Variants in SDK2 observed in about 807,000 individuals in gnomAD.
The protein encoded by SDK2 is protein sidekick-2.
In SDK2, 105 loss-of-function variants were observed where a neutral mutation model predicts 253.9. That is an observed-to-expected ratio of 0.41 (90% CI 0.35 to 0.49). SDK2 has a LOEUF of 0.49. Ranked by LOEUF, SDK2 falls within the 20% of genes least tolerant of loss-of-function variation. The pLI is 0.06. For synonymous variants in SDK2, 1,249 were observed against 1,234.9 expected (o/e 1.01, Z -0.24); for missense variants, 2,608 against 3,003.0 (o/e 0.87, Z 3.07).
intron 18 of SDK2, among the ~76,000 whole-genome samples, chr17:73,404,079 A>G (rs1215475459): frequency 1.3e-5 from 2 of 152,190 alleles, no homozygotes; most frequent in Non-Finnish European, 1.5e-5. Context: ...CATGTGCCTT[A>G]AAACAATATC....
At chr17:73,610,602 A>G (rs375180216) in intron 1 of SDK2, among the ~76,000 whole-genome samples, 114 of 152,282 alleles carry the variant, frequency 7.5e-4, no homozygotes, top group Middle Eastern at 6.8e-3. Context: ...CACAGTAGCC[A>G]CGAGGGAGGC....
chr17:73,631,736 C>T (rs561435808), intron 1 of SDK2, among the ~76,000 whole-genome samples: 2 of 152,178 alleles, frequency 1.3e-5, no homozygotes, highest in Non-Finnish European at 2.9e-5. Context: ...GTATGGGGCA[C>T]CAGCCACACA....
intron 1 of SDK2, among the ~76,000 whole-genome samples, chr17:73,546,746 C>A (rs946335242): frequency 6.6e-6 from 1 of 152,226 alleles, no homozygotes; most frequent in Non-Finnish European, 1.5e-5. Context: ...CCATAAGTCC[C>A]TTTCAGTTCT....
At chr17:73,557,361 G>A (rs2045159982) in intron 1 of SDK2, among the ~76,000 whole-genome samples, 1 of 151,822 alleles carries the variant, frequency 6.6e-6, no homozygotes, top group African/African-American at 2.4e-5. Context: ...GGAGTGCAGT[G>A]GCACGATCTC....
chr17:73,401,605 T>C (rs1224945462), intron 20 of SDK2, 49 bp downstream of exon 20: 3 of 1,501,930 alleles, frequency 2.0e-6, no homozygotes, highest in African/African-American at 2.8e-5. Flanking sequence ...AGCTCTGACC[T>C]TTCCCAGCCC....
chr17:73,457,280 T>C (rs139028329), intron 3 of SDK2, among the ~76,000 whole-genome samples: 4 of 36,904 alleles, frequency 1.1e-4, no homozygotes, highest in African/African-American at 2.5e-4. Flanking sequence ...CCTTCCTTCC[T>C]TCCTTCCCCC....
intron 3 of SDK2, among the ~76,000 whole-genome samples, chr17:73,468,355 G>A (rs1023759504): frequency 1.3e-5 from 2 of 152,088 alleles, no homozygotes; most frequent in South Asian, 2.1e-4. Flanking sequence ...TCCTTCCAAC[G>A]AGCCTAGGAG....
intron 36 of SDK2, among the ~76,000 whole-genome samples, chr17:73,377,026 C>T (rs2062787320): frequency 6.6e-6 from 1 of 152,004 alleles, no homozygotes; most frequent in Non-Finnish European, 1.5e-5. Flanking sequence ...GTCTCTCCTA[C>T]TCCCCACCTG....
chr17:73,480,525 G>T (rs1242359678), intron 2 of SDK2, among the ~76,000 whole-genome samples: 1 of 152,178 alleles, frequency 6.6e-6, no homozygotes, highest in Non-Finnish European at 1.5e-5. Context: ...AAAGGGTTGA[G>T]GCAAACAGAG....
At chr17:73,417,801 G>T (rs1331144445) in intron 16 of SDK2, among the ~76,000 whole-genome samples, 1 of 152,070 alleles carries the variant, frequency 6.6e-6, no homozygotes, top group African/African-American at 2.4e-5. Flanking sequence ...CTGGCAAAAA[G>T]AACTCACAGC....
intron 44 of SDK2, among the ~76,000 whole-genome samples, chr17:73,348,242 G>A (rs949849436): frequency 6.6e-6 from 1 of 152,258 alleles, no homozygotes; most frequent in Non-Finnish European, 1.5e-5. Flanking sequence ...ATGCAGGGCT[G>A]TGTGTCAACC....
Position 73,402,157 on chromosome 17 carries a change from C to A in SDK2, c.2485-16G>T. 1 of 1,609,050 alleles carries A rather than the reference C, an allele frequency of 6.2e-7. No homozygotes were observed. The highest frequency in any genetic ancestry group is 8.5e-7 in the Non-Finnish European group (1 of 1,177,030). On this transcript the variant is annotated splice_polypyrimidine_tract_variant and intron_variant, in intron 18 of 44. Coordinates refer to ENST00000392650, the MANE Select transcript of SDK2 (RefSeq NM_001144952.2). ...AGGCGATCAGCTGCGGAGAGGCGAGCAAGTCACACAGGGCAGCAGGAAGGT... is the reference window on the plus strand; with the variant it reads ...AGGCGATCAGCTGCGGAGAGGCGAGAAAGTCACACAGGGCAGCAGGAAGGT...
At chr17:73,407,695 C>T (rs924992196) in intron 18 of SDK2, among the ~76,000 whole-genome samples, 22 of 152,142 alleles carry the variant, frequency 1.4e-4, no homozygotes, top group African/African-American at 5.3e-4. Flanking sequence ...CCTCATCCTC[C>T]CAAAGTGTTG....
In SDK2 at chr17:73,391,521, C is replaced by A. The variant is rs1399092587; in HGVS notation, c.3916G>T (p.Gly1306Cys). The part of the protein sequence containing the change: ...TLDDVPGPPM[G>C]ILFPEVRTTS... ...GTCCGCACCTCTGGGAACAGGATGC[C>A]CATGGGTGGTCCTGGGACTGGAGGG... The change falls in exon 28 of 45, where the codon GGC becomes TGC. Residue 1306 changes from glycine (G) to cysteine (C), a missense_variant. Physicochemically the swap from Gly to Cys is radical, Grantham distance 159. Transcript: ENST00000392650. 2 of 1,302,184 alleles carry A rather than the reference C, an allele frequency of 1.5e-6. No individual in the cohort carries two copies. The highest frequency in any genetic ancestry group is 3.2e-5 in the Admixed American group (1 of 31,214). The allele number at this position is 1,302,184 out of a possible 1,614,324, so 80.7% of individuals were successfully genotyped here. A position where few individuals can be genotyped will look rare whatever the true frequency, so the allele number is the denominator to read the frequency against.
At chr17:73,531,996 T>G (rs113310717) in intron 1 of SDK2, among the ~76,000 whole-genome samples, 1 of 152,148 alleles carries the variant, frequency 6.6e-6, no homozygotes, top group Non-Finnish European at 1.5e-5. Context: ...TCGTGGTGCA[T>G]TACAATGATC....
Position 73,455,016 on chromosome 17 carries a change from T to C in SDK2, c.479+890A>G, listed in dbSNP as rs2063514723. Among the ~76,000 whole-genome samples the C allele has an allele frequency of 6.6e-6, 1 of 152,034 alleles. No individual in the cohort carries two copies. Among genetic ancestry groups the C allele is most frequent in the East Asian group, 1.9e-4 (1 of 5,176 alleles). On this transcript the variant is annotated intron_variant, in intron 4 of 44. Coordinates refer to ENST00000392650, the MANE Select transcript of SDK2 (RefSeq NM_001144952.2). This position sits in a 1 kb window ranked among gnomAD's most constrained non-coding sequence, Gnocchi z 5.0. ...CCGCGTCCGGCCTGTGATAGTGATATTATTATTATTGTTATTGTTACTATG... is the reference window on the plus strand; with the variant it reads ...CCGCGTCCGGCCTGTGATAGTGATACTATTATTATTGTTATTGTTACTATG...
At chr17:73,376,676 C>T (rs1221126042) in intron 36 of SDK2, among the ~76,000 whole-genome samples, 1 of 151,972 alleles carries the variant, frequency 6.6e-6, no homozygotes, top group African/African-American at 2.4e-5. Flanking sequence ...TCTATTAACT[C>T]ACCACTTACA....
chr17:73,518,585 G>A (rs1415875102), intron 1 of SDK2: 1 of 152,162 alleles, frequency 6.6e-6, no homozygotes, highest in Non-Finnish European at 1.5e-5. Flanking sequence ...ATTTCCAATA[G>A]GTTTATTTTG....
intron 1 of SDK2, among the ~76,000 whole-genome samples, chr17:73,637,295 A>G (rs1045728433): frequency 1.3e-5 from 2 of 152,192 alleles, no homozygotes; most frequent in East Asian, 1.9e-4. Context: ...GAAAGCCTGC[A>G]CTTCCTAGCT....
Sources: allele counts gnomAD v4.1 joint callset (sites outside exome capture counted in the v4.1 genomes callset), GRCh38; gene constraint gnomAD v4.1.1; non-coding constraint Gnocchi (gnomAD v3.1); transcripts MANE v1.5; gene names NCBI Gene and HGNC (gene_info 2026-07-23, HGNC 2026-07-21).